The following DNM3 variants were observed in gnomAD, a reference collection of about 807,000 sequenced individuals.
DNM3 encodes dynamin 3, also known as dynamin-3.
A neutral mutation model predicts 101.6 loss-of-function variants in DNM3; 47 were observed. The observed-to-expected ratio is 0.46, with a 90% CI of 0.37 to 0.59. The LOEUF (loss-of-function observed/expected upper bound fraction) is 0.59. Among genes scored for constraint, DNM3 ranks in the 20% least tolerant of loss-of-function variants. The pLI, the probability that DNM3 is intolerant of heterozygous loss-of-function variation, is 0.00. For synonymous variants in DNM3, 385 were observed against 387.9 expected, an observed-to-expected ratio of 0.99 and a Z score of 0.09; for missense variants, 849 against 1,085.7, an observed-to-expected ratio of 0.78 and a Z score of 3.06.
At chr1:172,278,169 T>C (rs1295342925) in intron 15 of DNM3, among the ~76,000 whole-genome samples, 2 of 152,146 alleles carry the variant, frequency 1.3e-5, no homozygotes, top group Non-Finnish European at 2.9e-5. Context: ...TTATGAAGAA[T>C]GCGCCAGTCT....
chr1:172,364,962 T>G (rs1232116027), intron 17 of DNM3, among the ~76,000 whole-genome samples: 1 of 151,916 alleles, frequency 6.6e-6, no homozygotes, highest in African/African-American at 2.4e-5. Flanking sequence ...CTGTACAGCC[T>G]GCAGAGTCCT....
At chr1:171,843,730 A>G (rs1421086578) in intron 1 of DNM3, among the ~76,000 whole-genome samples, 1 of 152,202 alleles carries the variant, frequency 6.6e-6, no homozygotes, top group East Asian at 1.9e-4. Flanking sequence ...CTAATGTTAT[A>G]ATAAAATTGT....
In DNM3 at chr1:172,180,917, A is replaced by G. The variant is rs145036403; in HGVS notation, c.1659+49629A>G. Among the ~76,000 whole-genome samples the G allele has an allele frequency of 5.5e-4, 84 of 152,256 alleles. 2 individuals carry two copies. In the East Asian group the frequency reaches 0.013, roughly 24 times the overall value. On this transcript the variant is annotated intron_variant, in intron 14 of 20. Transcript: ENST00000627582. The stretch of plus-strand genomic sequence containing the variant: ...CCTACTCATGGATATAAGGCAAAAT[A>G]ACATTAAACAAGAATAAATATCTGT...
At chr1:172,216,837 T>C (rs1021989249) in intron 14 of DNM3, among the ~76,000 whole-genome samples, 2 of 152,038 alleles carry the variant, frequency 1.3e-5, no homozygotes. Context: ...TTTGTTTATG[T>C]TCATATTTCA....
At chr1:172,206,085 G>T (rs1370996349) in intron 14 of DNM3, among the ~76,000 whole-genome samples, 3 of 152,048 alleles carry the variant, frequency 2.0e-5, no homozygotes, top group African/African-American at 4.8e-5. Context: ...ACCACTGATT[G>T]CATCAAATAA....
At chr1:172,407,051 G>A (rs1052070647) in intron 20 of DNM3, among the ~76,000 whole-genome samples, 1 of 151,942 alleles carries the variant, frequency 6.6e-6, no homozygotes, top group Non-Finnish European at 1.5e-5. Context: ...GTAATGTTGA[G>A]ACTCTCAAAT....
At chr1:172,289,288 T>A (rs1288508596) in intron 15 of DNM3, among the ~76,000 whole-genome samples, 2 of 152,120 alleles carry the variant, frequency 1.3e-5, no homozygotes, top group Non-Finnish European at 2.9e-5. Context: ...AGAAAATTTT[T>A]AAATTTTTTT....
intron 11 of DNM3, among the ~76,000 whole-genome samples, chr1:172,075,277 A>G (rs1213661549): frequency 6.6e-6 from 1 of 151,798 alleles, no homozygotes; most frequent in Non-Finnish European, 1.5e-5. Flanking sequence ...TTTCACTCTG[A>G]TGATAGTTTC....
At chr1:172,326,411 G>C (rs2065939255) in intron 17 of DNM3, among the ~76,000 whole-genome samples, 1 of 152,124 alleles carries the variant, frequency 6.6e-6, no homozygotes, top group African/African-American at 2.4e-5. Context: ...CCAGAATCCA[G>C]GACACCCTGA....
At chr1:172,369,999 G>A (rs919946599) in intron 17 of DNM3, among the ~76,000 whole-genome samples, 1 of 151,598 alleles carries the variant, frequency 6.6e-6, no homozygotes, top group African/African-American at 2.4e-5. Flanking sequence ...ATTGGATTAG[G>A]GCCCACCCTA....
intron 4 of DNM3, among the ~76,000 whole-genome samples, chr1:172,003,437 G>C (rs1311947370): frequency 6.6e-6 from 1 of 151,956 alleles, no homozygotes; most frequent in Non-Finnish European, 1.5e-5. Flanking sequence ...TTTGTTGGCA[G>C]TGTAAATAAA....
chr1:171,899,220 G>A (rs894511750), intron 1 of DNM3, among the ~76,000 whole-genome samples: 6 of 152,176 alleles, frequency 3.9e-5, no homozygotes, highest in Non-Finnish European at 7.3e-5. Context: ...GTGATGGCTC[G>A]TAAGCAGCAC....
chr1:172,042,095 C>T lies in DNM3; in HGVS notation c.1079C>T (p.Ala360Val). Residue 360 changes from alanine (A) to valine (V), a missense_variant, in exon 8 of 21, where the codon GCT becomes GTT. This residue lies in a region of DNM3 where 388 missense variants were observed against 483.0 expected (regional missense o/e 0.80). Transcript: ENST00000627582. ...QVDTLELSGG[A>V]KINRIFHERF... ...GATACCCTGGAACTCTCAGGTGGTG[C>T]TAAAATCAATCGTATTTTTCATGAA... is the stretch of plus-strand genomic sequence containing the variant. The T allele has an allele frequency of 1.2e-6, 2 of 1,610,608 alleles. No homozygotes were observed. Among genetic ancestry groups the T allele is most frequent in the Non-Finnish European group, 1.7e-6 (2 of 1,178,906 alleles).
intron 13 of DNM3, among the ~76,000 whole-genome samples, chr1:172,112,668 A>T (rs1324883202): frequency 6.6e-6 from 1 of 152,192 alleles, no homozygotes; most frequent in Non-Finnish European, 1.5e-5. Context: ...TTTATCCCTG[A>T]AAACAGAGGG....
chr1:171,947,794 A>G (rs575645475), intron 2 of DNM3, among the ~76,000 whole-genome samples: 13 of 152,290 alleles, frequency 8.5e-5, no homozygotes, highest in Admixed American at 4.6e-4. Flanking sequence ...AGCATCTGAT[A>G]AGTTCATTTA....
chr1:172,247,656 C>CTTATTTATTTAT (rs1553207716), intron 14 of DNM3, among the ~76,000 whole-genome samples: 44 of 135,330 alleles, frequency 3.3e-4, no homozygotes, highest in Admixed American at 8.7e-4. Context: ...ATTATTATTT[C>CTTATTTATTTAT]TTATTTATTT....
intron 2 of DNM3, among the ~76,000 whole-genome samples, chr1:171,933,917 A>G (rs903751354): frequency 1.3e-5 from 2 of 152,210 alleles, no homozygotes; most frequent in African/African-American, 2.4e-5. Flanking sequence ...CTGTACTTTT[A>G]GCGGTAGAGA....
chr1:172,375,661 C>A (rs538190507), intron 17 of DNM3, among the ~76,000 whole-genome samples: 1 of 152,070 alleles, frequency 6.6e-6, no homozygotes, highest in South Asian at 2.1e-4. Flanking sequence ...AATAGACGCC[C>A]CAAGGTATGG....
rs537263087 is a variant in DNM3 at position 172,147,327 on chromosome 1, G to A, written c.1659+16039G>A. ...GAAATGCCTTAATAACTTTTCTTACGTCTGTAAAGTTATCACTTGAATACC... is the reference window on the plus strand; with the variant it reads ...GAAATGCCTTAATAACTTTTCTTACATCTGTAAAGTTATCACTTGAATACC... On this transcript the variant is annotated intron_variant, in intron 14 of 20. Coordinates refer to ENST00000627582, the MANE Select transcript of DNM3 (RefSeq NM_015569.5). Among the ~76,000 whole-genome samples, 14 of 152,178 alleles carry A rather than the reference G, an allele frequency of 9.2e-5. No homozygotes were observed. In the East Asian group the frequency reaches 9.6e-4, roughly 10 times the overall value.
Sources: allele counts gnomAD v4.1 joint callset (sites outside exome capture counted in the v4.1 genomes callset), GRCh38; gene constraint gnomAD v4.1.1; regional missense constraint gnomAD v4.1.1; transcripts MANE v1.5; gene names NCBI Gene and HGNC (gene_info 2026-07-23, HGNC 2026-07-21).